Variants in EYA3 observed in about 807,000 individuals in gnomAD.
EYA3 encodes the protein protein phosphatase EYA3.
In EYA3, 39 loss-of-function variants were observed where a neutral mutation model predicts 80.0. That is an observed-to-expected ratio of 0.49 (90% confidence interval 0.38 to 0.64). EYA3 has a LOEUF of 0.64. EYA3 is among the 30% of genes least tolerant of loss of function. The probability of loss-of-function intolerance (pLI) is 0.00; values close to 1 mark genes in which losing one functional copy is unlikely to be tolerated. For synonymous variants in EYA3, 206 were observed against 232.8 expected, an observed-to-expected ratio of 0.88 and a Z score of 1.05; for missense variants, 523 against 676.1, an observed-to-expected ratio of 0.77 and a Z score of 2.51.
intron 2 of EYA3, among the ~76,000 whole-genome samples, chr1:28,054,816 A>G (rs975357005): frequency 2.6e-5 from 4 of 152,242 alleles, no homozygotes; most frequent in Admixed American, 1.3e-4. Context: ...GCACCACTGC[A>G]CTACAGCCTG....
At chr1:27,995,089 C>T (rs1640343377) in intron 13 of EYA3, among the ~76,000 whole-genome samples, 1 of 151,642 alleles carries the variant, frequency 6.6e-6, no homozygotes, top group African/African-American at 2.4e-5. Flanking sequence ...AATAAATTAA[C>T]AATAGATTTT....
intron 7 of EYA3, among the ~76,000 whole-genome samples, chr1:28,023,610 C>T (rs976118467): frequency 3.9e-5 from 6 of 152,056 alleles, no homozygotes; most frequent in African/African-American, 1.5e-4. Context: ...TATACCTGGA[C>T]CAGTACTCCT....
intron 1 of EYA3, among the ~76,000 whole-genome samples, chr1:28,075,390 A>G (rs939666848): frequency 1.3e-5 from 2 of 152,220 alleles, no homozygotes; most frequent in African/African-American, 4.8e-5. Flanking sequence ...ACTGTTTTCA[A>G]TAAACACTGC....
intron 2 of EYA3, 96 bp from the exon 3 acceptor site, chr1:28,048,522 A>G: frequency 1.2e-6 from 1 of 868,498 alleles, no homozygotes; most frequent in Non-Finnish European, 1.8e-6. Flanking sequence ...TTACAGGATA[A>G]CTGTTTAATT....
intron 16 of EYA3, among the ~76,000 whole-genome samples, chr1:27,980,858 G>GATTAGTTT (rs1226244704): frequency 4.6e-5 from 7 of 152,200 alleles, no homozygotes; most frequent in African/African-American, 1.7e-4. Flanking sequence ...GGGCAACACA[G>GATTAGTTT]TGGGACCTTT....
rs1014990170 is a variant in EYA3, at chr1:27,973,961, A to G, written c.*505T>C. On this transcript the variant is annotated 3_prime_UTR_variant, in exon 18 of 18. Coordinates refer to ENST00000373871, the MANE Select transcript of EYA3 (RefSeq NM_001990.4). ...TAAGACTGCAAGAGATGTTATCATA[A>G]AAGTCTGCTGCATTTATCTGATCAC... The G allele has an allele frequency of 1.3e-5, 2 of 152,356 alleles. No individual in the cohort carries two copies. The highest frequency in any genetic ancestry group is 4.8e-5 in the African/African-American group (2 of 41,460). 9.4% of individuals were successfully genotyped at this position (152,356 alleles called of 1,614,324 possible).
intron 5 of EYA3, 74 bp downstream of exon 5, chr1:28,038,765 G>C: frequency 1.2e-6 from 1 of 827,250 alleles, no homozygotes; most frequent in Admixed American, 2.4e-5. Flanking sequence ...TATTTTAGAG[G>C]AAAAATAATA....
chr1:28,047,832 G>T (rs1644079648), intron 3 of EYA3, among the ~76,000 whole-genome samples: 2 of 152,064 alleles, frequency 1.3e-5, no homozygotes, highest in South Asian at 4.1e-4. Context: ...GTAGAGACGG[G>T]GTTTCACCGT....
At chr1:28,076,745 T>C (rs1369525904) in intron 1 of EYA3, among the ~76,000 whole-genome samples, 2 of 146,800 alleles carry the variant, frequency 1.4e-5, no homozygotes, top group East Asian at 1.9e-4. Context: ...TTCTTTTTTT[T>C]TTTTTTTTTT....
chr1:27,971,771 C>T lies in EYA3; in HGVS notation c.*2695G>A, dbSNP rs1638745237. 6.6e-6 allele frequency: 1 copy of T among 152,232 alleles called. No individual in the cohort carries two copies. Among genetic ancestry groups the T allele is most frequent in the African/African-American group, 2.4e-5 (1 of 41,432 alleles). 9.4% of individuals were successfully genotyped at this position (152,232 alleles called of 1,614,324 possible). A position where few individuals can be genotyped will look rare whatever the true frequency, so the allele number is the denominator to read the frequency against. ...TTCTAACAGCTCTTAATCCTACCCA[C>T]TTATTTTCCTTTCCAGATTTTTGTG... On this transcript the variant is annotated 3_prime_UTR_variant, in exon 18 of 18. Transcript: ENST00000373871.
chr1:28,038,438 T>G (rs72658316), intron 5 of EYA3, among the ~76,000 whole-genome samples: 7,507 of 92,386 alleles, frequency 0.081, 378 homozygotes, highest in African/African-American at 0.1. Flanking sequence ...AGATTCTATC[T>G]TAAAAAAAAA....
chr1:27,990,648 G>C (rs1639991494), intron 14 of EYA3: 1 of 150,516 alleles, frequency 6.6e-6, no homozygotes, highest in African/African-American at 2.4e-5. Context: ...CCGCCTCCCA[G>C]GTTCAAGCAA....
chr1:27,984,138 G>A (rs1639493377), intron 16 of EYA3, among the ~76,000 whole-genome samples: 1 of 152,202 alleles, frequency 6.6e-6, no homozygotes, highest in Admixed American at 6.5e-5. Flanking sequence ...TTGGGCTCAA[G>A]TGATCCTCCC....
At chr1:28,030,731 A>T (rs1475470082) in intron 6 of EYA3, among the ~76,000 whole-genome samples, 1 of 152,242 alleles carries the variant, frequency 6.6e-6, no homozygotes, top group Non-Finnish European at 1.5e-5. Flanking sequence ...ATAATTCATG[A>T]TCATTTAAAT....
rs145668104 is a variant in EYA3, at chr1:28,042,685, T to C, written c.78-35A>G. 7.7e-3 allele frequency: 12,077 copies of C among 1,566,298 alleles called. 84 individuals are homozygous for C. Among genetic ancestry groups the C allele is most frequent in the Non-Finnish European group, 9.5e-3 (10,845 of 1,136,360 alleles). On this transcript the variant is annotated intron_variant, in intron 3 of 17. Coordinates refer to ENST00000373871, the MANE Select transcript of EYA3 (RefSeq NM_001990.4). The stretch of plus-strand genomic sequence containing the variant: ...CCAAAATGAATACATTAGCCCCTGA[T>C]TGATTTGCTGCATTGCTAAAAAGTG...
In EYA3 at chr1:28,035,564, G is replaced by A. The variant is rs190278796; in HGVS notation, c.341C>T (p.Thr114Met). The change falls in exon 6 of 18, where the codon ACG becomes ATG. Residue 114 changes from threonine to methionine, a missense_variant. Thr to Met is a moderately conservative substitution (Grantham distance 81). Around this residue, in one of 2 missense-constraint regions of EYA3, gnomAD observed 304 missense variants for 343.3 expected, o/e 0.89. Coordinates refer to ENST00000373871, the MANE Select transcript of EYA3 (RefSeq NM_001990.4). ...CTTACCAAAAGGAGGTAGTCCATAC[G>A]TTTGGGTTGCCTGAGGGTAGACAGC... ...PYAVYPQATQ[T>M]YGLPPFGALW... 153 of 1,614,022 alleles carry A rather than the reference G, an allele frequency of 9.5e-5. 1 individual carries two copies. In the Admixed American group the frequency reaches 9.8e-4, roughly 10 times the overall value.
At position 27,978,411 on chromosome 1, in the gene EYA3, A is replaced by G. The variant is rs1179082583; in HGVS notation, c.1604T>C (p.Ile535Thr). The G allele has an allele frequency of 1.9e-6, 3 of 1,614,032 alleles. No individual in the cohort carries two copies. Among genetic ancestry groups the G allele is most frequent in the Admixed American group, 3.3e-5 (2 of 60,006 alleles). Reference sequence around the variant, plus strand: ...AATTTCTTCATCTCGTCCATCTCCAATCACTACATATGTGACTTTCTTTCC... The same window carrying G: ...AATTTCTTCATCTCGTCCATCTCCAGTCACTACATATGTGACTTTCTTTCC... ...RFGKKVTYVV[I>T]GDGRDEEIAA... The change falls in exon 17 of 18, where the codon ATT becomes ACT. Residue 535 changes from isoleucine to threonine, a missense_variant. Physicochemically the swap from Ile to Thr is moderately conservative, Grantham distance 89. This residue lies in a region of EYA3 where 219 missense variants were observed against 332.8 expected (regional missense o/e 0.66). Transcript: ENST00000373871.
chr1:27,984,187 C>T (rs1178562851), intron 16 of EYA3, among the ~76,000 whole-genome samples: 2 of 152,112 alleles, frequency 1.3e-5, no homozygotes, highest in Non-Finnish European at 2.9e-5. Context: ...CAGGCACTCA[C>T]CACCACACCC....
At chr1:28,001,725 C>A (rs1258003777) in intron 11 of EYA3, among the ~76,000 whole-genome samples, 3 of 116,766 alleles carry the variant, frequency 2.6e-5, no homozygotes, top group South Asian at 2.9e-4. Context: ...GGTGACAGAG[C>A]GAGACTCTGT....
Sources: gnomAD v4.1 joint callset for allele counts (sites outside exome capture counted in the v4.1 genomes callset) on GRCh38, gnomAD v4.1.1 for gene constraint, gnomAD v4.1.1 regional missense constraint, MANE v1.5 for transcripts, NCBI Gene and HGNC (gene_info 2026-07-23, HGNC 2026-07-21) for gene names.